Variants in GTF2A2 observed in about 807,000 individuals in gnomAD.
GTF2A2 encodes the protein transcription initiation factor IIA subunit 2.
Under a neutral mutation model 14.3 loss-of-function variants are expected in GTF2A2, and 9 were observed. The observed-to-expected ratio is 0.63, with a 90% CI of 0.38 to 1.10. The LOEUF (loss-of-function observed/expected upper bound fraction) is 1.10. Among genes scored for constraint, GTF2A2 ranks in the 50% least tolerant of loss-of-function variants. The pLI, the probability that GTF2A2 is intolerant of heterozygous loss-of-function variation, is 0.01. For synonymous variants in GTF2A2, 56 were observed against 46.0 expected, an observed-to-expected ratio of 1.22 and a Z score of -0.88; for missense variants, 90 against 124.6, an observed-to-expected ratio of 0.72 and a Z score of 1.32.
intron 4 of GTF2A2, among the ~76,000 whole-genome samples, chr15:59,639,464 ATTTT>A (rs10643204): frequency 2.1e-5 from 3 of 142,580 alleles, no homozygotes; most frequent in Non-Finnish European, 3.0e-5. Flanking sequence ...ACTGTCCCAA[ATTTT>A]TTTTTTTTTT....
At chr15:59,643,483 C>T (rs778925012) in intron 3 of GTF2A2, among the ~76,000 whole-genome samples, 3 of 151,782 alleles carry the variant, frequency 2.0e-5, no homozygotes, top group Non-Finnish European at 4.4e-5. Flanking sequence ...TCCCAAAGTG[C>T]TGAGATTACA....
intron 4 of GTF2A2, among the ~76,000 whole-genome samples, chr15:59,640,740 G>A (rs151304887): frequency 2.0e-5 from 3 of 152,138 alleles, no homozygotes; most frequent in African/African-American, 7.2e-5. Context: ...AGGGTTACGA[G>A]GATGCTGTTA....
intron 3 of GTF2A2, among the ~76,000 whole-genome samples, chr15:59,649,407 C>T (rs1171197021): frequency 1.3e-5 from 2 of 152,180 alleles, no homozygotes; most frequent in African/African-American, 4.8e-5. Flanking sequence ...TAGAAACCTA[C>T]AATAATGCAC....
chr15:59,652,122 A>G (rs1891812013), intron 2 of GTF2A2, 84 bp downstream of exon 2: 10 of 780,614 alleles, frequency 1.3e-5, no homozygotes, highest in Non-Finnish European at 2.0e-5. Flanking sequence ...ATTTTACCTC[A>G]TATCTCTTTG....
intron 3 of GTF2A2, among the ~76,000 whole-genome samples, chr15:59,648,226 G>A (rs1891671117): frequency 1.3e-5 from 2 of 151,826 alleles, no homozygotes; most frequent in East Asian, 1.9e-4. Flanking sequence ...GGCCAACATA[G>A]TGAAATCCCA....
At chr15:59,654,389 ACT>A (rs761403448) in intron 1 of GTF2A2, among the ~76,000 whole-genome samples, 1 of 151,968 alleles carries the variant, frequency 6.6e-6, no homozygotes, top group Non-Finnish European at 1.5e-5. Flanking sequence ...TGCATAGTTC[ACT>A]CTCTCATTTG....
At position 59,655,403 on chromosome 15, in the gene GTF2A2, T is replaced by C. The variant is rs1891913381; in HGVS notation, c.-50+2003A>G. 2.6e-5 allele frequency among the ~76,000 whole-genome samples: 4 copies of C among 152,218 alleles called. 1 individual carries two copies. In the South Asian group the frequency reaches 8.3e-4, roughly 31 times the overall value. On this transcript the variant is annotated intron_variant, in intron 1 of 4. Transcript: ENST00000396060. Reference sequence around the variant, plus strand: ...GAAACAGGTTGGTGAAGGTCATCAATGGCAATGCTAAAGCTAATTCTCTAG... The same window carrying C: ...GAAACAGGTTGGTGAAGGTCATCAACGGCAATGCTAAAGCTAATTCTCTAG...
intron 3 of GTF2A2, among the ~76,000 whole-genome samples, chr15:59,646,888 GTA>G (rs1394163087): frequency 2.0e-5 from 3 of 151,696 alleles, no homozygotes; most frequent in Non-Finnish European, 4.4e-5. Context: ...AAGCTTTTCT[GTA>G]TATAATTTTT....
rs1325971522 is a variant in GTF2A2 at position 59,639,097 on chromosome 15, CAG to C, written c.*33_*34del. ...GCTTCTCTTCAAAAGCAATGAATAA[CAG>C]AAGATGGTGTAAAAAAGTCATATTT... On this transcript the variant is annotated 3_prime_UTR_variant, in exon 5 of 5. Coordinates refer to ENST00000396060, the MANE Select transcript of GTF2A2 (RefSeq NM_004492.3). The C allele has an allele frequency of 4.1e-6, 5 of 1,224,916 alleles. No individual in the cohort carries two copies. The highest frequency in any genetic ancestry group is 1.7e-5 in the Admixed American group (1 of 58,870). The allele number at this position is 1,224,916 out of a possible 1,614,324, so 75.9% of individuals were successfully genotyped here.
At chr15:59,646,633 A>C (rs1456965948) in intron 3 of GTF2A2, among the ~76,000 whole-genome samples, 1 of 152,226 alleles carries the variant, frequency 6.6e-6, no homozygotes, top group Non-Finnish European at 1.5e-5. Flanking sequence ...AAATTCCATT[A>C]GTTGCAGTAT....
intron 1 of GTF2A2, among the ~76,000 whole-genome samples, chr15:59,655,702 T>C (rs1891922849): frequency 6.6e-6 from 1 of 152,230 alleles, no homozygotes; most frequent in Admixed American, 6.5e-5. Flanking sequence ...CAAATTCATA[T>C]AGCATAGAAC....
At chr15:59,646,065 TTTTTG>T (rs1339240860) in intron 3 of GTF2A2, among the ~76,000 whole-genome samples, 3 of 151,992 alleles carry the variant, frequency 2.0e-5, no homozygotes, top group African/African-American at 7.3e-5. Context: ...TATATTACTT[TTTTTG>T]TTTTGAGACA....
At chr15:59,652,544 T>A (rs1891827393) in intron 1 of GTF2A2, among the ~76,000 whole-genome samples, 2 of 152,224 alleles carry the variant, frequency 1.3e-5, no homozygotes, top group African/African-American at 4.8e-5. Context: ...TACTCCTTTA[T>A]GCAGTATAGC....
chr15:59,657,088 C>T (rs2141970833), intron 1 of GTF2A2: 1 of 152,382 alleles, frequency 6.6e-6, no homozygotes, highest in East Asian at 1.9e-4. Flanking sequence ...TTCGGCAAAA[C>T]TCACAGGGCG....
At chr15:59,640,156 T>TACTACACCATGCTGAAGTGTGAG (rs1891358493) in intron 4 of GTF2A2, 1 of 151,684 alleles carries the variant, frequency 6.6e-6, no homozygotes, top group African/African-American at 2.4e-5. Context: ...AAAGATCAAT[T>TACTACACCATGCTGAAGTGTGAG]ACTACACCGT....
Position 59,642,976 on chromosome 15 carries a change from A to G in GTF2A2, c.178-714T>C, listed in dbSNP as rs528784501. On this transcript the variant is annotated intron_variant, in intron 3 of 4. Coordinates refer to ENST00000396060, the MANE Select transcript of GTF2A2 (RefSeq NM_004492.3). ...GAGATGGTGTTTCACCATGTTGGCC[A>G]GGATGGTCTCGAACTCTGACCTCAG... Among the ~76,000 whole-genome samples the G allele has an allele frequency of 9.2e-5, 14 of 151,972 alleles. No individual in the cohort carries two copies. The South Asian group carries it at 2.1e-3, about 23-fold the overall frequency.
intron 2 of GTF2A2, chr15:59,651,376 C>G (rs1302684138): frequency 6.6e-6 from 1 of 152,400 alleles, no homozygotes; most frequent in African/African-American, 2.4e-5. Flanking sequence ...AGGGTTTCTC[C>G]ATGTTGGTCA....
At chr15:59,654,439 G>T (rs1227324079) in intron 1 of GTF2A2, among the ~76,000 whole-genome samples, 1 of 152,096 alleles carries the variant, frequency 6.6e-6, no homozygotes, top group Non-Finnish European at 1.5e-5. Flanking sequence ...CCATCAGAAA[G>T]GCCTTCTATA....
chr15:59,652,817 A>G (rs899529177), intron 1 of GTF2A2: 1 of 152,750 alleles, frequency 6.5e-6, no homozygotes, highest in Non-Finnish European at 1.5e-5. Flanking sequence ...AAAAATTTAT[A>G]CTCTAGAGAA....
Sources: allele counts gnomAD v4.1 joint callset (sites outside exome capture counted in the v4.1 genomes callset), GRCh38; gene constraint gnomAD v4.1.1; transcripts MANE v1.5; gene names NCBI Gene and HGNC (gene_info 2026-07-23, HGNC 2026-07-21).